The following SUGCT variants were observed in gnomAD, a reference collection of about 807,000 sequenced individuals.
SUGCT encodes succinyl-CoA:glutarate CoA-transferase.
A neutral mutation model predicts 55.0 loss-of-function variants in SUGCT; 41 were observed. The observed-to-expected ratio is 0.74, with a 90% CI of 0.58 to 0.97. The LOEUF (loss-of-function observed/expected upper bound fraction) is 0.97. Ranked by LOEUF, SUGCT falls within the 50% of genes least tolerant of loss-of-function variation. The pLI is 0.00. For missense variants in SUGCT, 568 were observed against 547.8 expected, an observed-to-expected ratio of 1.04 and a Z score of -0.37; for synonymous variants, 187 against 200.4, an observed-to-expected ratio of 0.93 and a Z score of 0.56.
At chr7:41,028,558 C>T in the SUGCT span, among the ~76,000 whole-genome samples, 1 of 152,210 alleles carries the variant, frequency 6.6e-6, no homozygotes, top group Non-Finnish European at 1.5e-5. Context: ...ATGGTATAAC[C>T]TATCACTCCA....
chr7:40,186,121 T>TCC (rs1196690602), intron 3 of SUGCT, among the ~76,000 whole-genome samples: 39 of 149,034 alleles, frequency 2.6e-4, no homozygotes, highest in African/African-American at 9.6e-4. Flanking sequence ...CTTCCTTCCT[T>TCC]TCTTTCCTTC....
chr7:40,187,000 G>A (rs1383662573), intron 3 of SUGCT, among the ~76,000 whole-genome samples: 3 of 152,092 alleles, frequency 2.0e-5, no homozygotes, highest in African/African-American at 7.2e-5. Flanking sequence ...GTTTATTGCG[G>A]CACTGTTCAC....
chr7:40,629,166 A>G (rs1233107678), intron 12 of SUGCT, among the ~76,000 whole-genome samples: 3 of 152,186 alleles, frequency 2.0e-5, no homozygotes, highest in African/African-American at 2.4e-5. Context: ...GTTCATGCCT[A>G]TCTTTCAAAC....
intron 12 of SUGCT, among the ~76,000 whole-genome samples, chr7:40,548,145 C>T (rs1285786891): frequency 6.7e-6 from 1 of 150,116 alleles, no homozygotes; most frequent in Non-Finnish European, 1.5e-5. Context: ...AATTTTAATC[C>T]TCCAAATAAG....
At chr7:40,846,805 C>T (rs1793579217) in intron 13 of SUGCT, among the ~76,000 whole-genome samples, 1 of 152,126 alleles carries the variant, frequency 6.6e-6, no homozygotes, top group Non-Finnish European at 1.5e-5. Context: ...TGTATTTAAC[C>T]AGCCTAAGTT....
chr7:40,758,550 A>G (rs11981180), intron 13 of SUGCT, among the ~76,000 whole-genome samples: 2,267 of 152,184 alleles, frequency 0.015, 146 homozygotes, highest in East Asian at 0.092. Context: ...CATTTTTCAT[A>G]TCATCCCCAA....
the SUGCT span, among the ~76,000 whole-genome samples, chr7:40,884,333 T>G: frequency 6.6e-5 from 10 of 152,326 alleles, no homozygotes; most frequent in South Asian, 2.1e-3. Flanking sequence ...TTGAAAAACA[T>G]GTTCAGGCTT....
intron 13 of SUGCT, among the ~76,000 whole-genome samples, chr7:40,810,669 T>C (rs577014049): frequency 6.6e-6 from 1 of 152,320 alleles, no homozygotes; most frequent in African/African-American, 2.4e-5. Flanking sequence ...TATTAGACCT[T>C]TGTTGGATGT....
the SUGCT span, among the ~76,000 whole-genome samples, chr7:40,921,485 A>G: frequency 6.6e-6 from 1 of 152,236 alleles, no homozygotes; most frequent in East Asian, 1.9e-4. Flanking sequence ...GCAGGTCATC[A>G]GGGTGCTCAG....
chr7:40,938,935 G>A, the SUGCT span, among the ~76,000 whole-genome samples: 4 of 152,096 alleles, frequency 2.6e-5, no homozygotes, highest in African/African-American at 4.8e-5. Context: ...GGGCACTTAC[G>A]TTGGATCCAC....
chr7:40,376,179 G>T (rs756724308), intron 9 of SUGCT, among the ~76,000 whole-genome samples: 2 of 151,760 alleles, frequency 1.3e-5, no homozygotes, highest in East Asian at 1.9e-4. Flanking sequence ...ATGAAGGGAA[G>T]GTAAAATATG....
At chr7:40,286,400 A>G (rs1562646776) in intron 8 of SUGCT, among the ~76,000 whole-genome samples, 1 of 152,128 alleles carries the variant, frequency 6.6e-6, no homozygotes, top group Non-Finnish European at 1.5e-5. Flanking sequence ...TTTAAGTTTC[A>G]TTAGGCCCAC....
chr7:40,786,730 C>T (rs1229478595), intron 13 of SUGCT, among the ~76,000 whole-genome samples: 3 of 152,036 alleles, frequency 2.0e-5, no homozygotes, highest in African/African-American at 4.8e-5. Context: ...TACCCCCTCA[C>T]TAAAAATAAT....
chr7:40,956,508 C>T, the SUGCT span, among the ~76,000 whole-genome samples: 1 of 151,934 alleles, frequency 6.6e-6, no homozygotes, highest in Non-Finnish European at 1.5e-5. Flanking sequence ...CTATTTGATT[C>T]TTTCTTGTCT....
intron 10 of SUGCT, among the ~76,000 whole-genome samples, chr7:40,452,840 G>A (rs367643164): frequency 1.3e-5 from 2 of 152,122 alleles, no homozygotes; most frequent in Non-Finnish European, 2.9e-5. Flanking sequence ...CTTACCCCGA[G>A]CACGGTGATC....
At chr7:40,221,725 A>G (rs1018860635) in intron 6 of SUGCT, among the ~76,000 whole-genome samples, 1 of 152,086 alleles carries the variant, frequency 6.6e-6, no homozygotes. Flanking sequence ...TCCTGACCTC[A>G]GGTAATCTGC....
At chr7:40,676,504 G>GTTTTTTT (rs70990639) in intron 12 of SUGCT, among the ~76,000 whole-genome samples, 11 of 129,090 alleles carry the variant, frequency 8.5e-5, no homozygotes, top group Admixed American at 1.6e-4. Flanking sequence ...TTTGTTTTTT[G>GTTTTTTT]TTTTTTTTTT....
chr7:40,676,605 C>T (rs1007460316), intron 12 of SUGCT, among the ~76,000 whole-genome samples: 22 of 150,848 alleles, frequency 1.5e-4, no homozygotes, highest in East Asian at 2.0e-4. Flanking sequence ...CGGGTTCAAG[C>T]GATTCTCCTG....
intron 13 of SUGCT, among the ~76,000 whole-genome samples, chr7:40,766,910 A>G (rs17171782): frequency 0.013 from 2,039 of 152,300 alleles, 138 homozygotes; most frequent in East Asian, 0.092. Flanking sequence ...GAATTTAACA[A>G]TATTGGATGA....
Sources: allele counts gnomAD v4.1 joint callset (sites outside exome capture counted in the v4.1 genomes callset), GRCh38; gene constraint gnomAD v4.1.1; transcripts MANE v1.5; gene names NCBI Gene and HGNC (gene_info 2026-07-23, HGNC 2026-07-21).